GDF5: variants seen among roughly 807,000 people sequenced by gnomAD.
The protein encoded by GDF5 is growth differentiation factor 5.
A neutral mutation model predicts 34.6 loss-of-function variants in GDF5; 17 were observed. The observed-to-expected ratio is 0.49, with a 90% confidence interval of 0.34 to 0.74. The LOEUF is 0.74. Ranked by LOEUF, GDF5 falls within the 30% of genes least tolerant of loss-of-function variation. GDF5 has a pLI of 0.01. For missense variants in GDF5, 616 were observed against 661.2 expected, an observed-to-expected ratio of 0.93 and a Z score of 0.75; for synonymous variants, 332 against 290.7, an observed-to-expected ratio of 1.14 and a Z score of -1.44.
At chr20:35,443,381 C>T (rs774418729) in intron 1 of GDF5, among the ~76,000 whole-genome samples, 12 of 152,060 alleles carry the variant, frequency 7.9e-5, no homozygotes, top group Admixed American at 7.2e-4. Flanking sequence ...CTTGGGAAGC[C>T]ACTGACATGG....
chr20:35,448,447 A>ATTT (rs1156278927), intron 1 of GDF5, among the ~76,000 whole-genome samples: 1 of 63,374 alleles, frequency 1.6e-5, no homozygotes, highest in African/African-American at 5.6e-5. Flanking sequence ...GGCCCCCCCG[A>ATTT]CTTTTTTTTT....
intron 1 of GDF5, among the ~76,000 whole-genome samples, chr20:35,443,322 C>T (rs535254662): frequency 6.6e-6 from 1 of 152,090 alleles, no homozygotes; most frequent in African/African-American, 2.4e-5. Context: ...CAACCTCCCC[C>T]TCTCCTGTCA....
chr20:35,443,004 C>A (rs1169115706), upstream of GDF5, among the ~76,000 whole-genome samples: 1 of 152,124 alleles, frequency 6.6e-6, no homozygotes, highest in Non-Finnish European at 1.5e-5. Context: ...TACAGTATTC[C>A]TTTCAGTCAA....
At chr20:35,439,222 T>C (rs949395156), upstream of GDF5, among the ~76,000 whole-genome samples, 1 of 151,068 alleles carries the variant, frequency 6.6e-6, no homozygotes, top group Non-Finnish European at 1.5e-5. Context: ...GGAAAAGCCA[T>C]TTCCCACATG....
intron 1 of GDF5, among the ~76,000 whole-genome samples, chr20:35,446,914 T>G (rs2062515752): frequency 6.6e-6 from 1 of 151,414 alleles, no homozygotes. Context: ...AACCCGAGAA[T>G]CCCAGCAAGA....
chr20:35,434,106 A>G lies in GDF5; in HGVS notation c.1309T>C (p.Leu437=), dbSNP rs143202393. 1.5e-5 allele frequency: 24 copies of G among 1,613,964 alleles called. No homozygotes were observed. In the African/African-American group the frequency reaches 1.6e-4, roughly 11 times the overall value. The change falls in exon 2 of 2, where the codon TTG becomes CTG. Residue 437 remains leucine, a synonymous_variant. Transcript: ENST00000374369. ...FHCEGLCEFP[L]RSHLEPTNHA... ...TTCGTGGGCTCCAGGTGGGAGCGCA[A>G]TGGGAACTCGCACAGCCCCTCGCAG... is the stretch of plus-strand genomic sequence containing the variant.
intron 1 of GDF5, chr20:35,435,437 G>C (rs1246418219): frequency 9.3e-6 from 1 of 107,130 alleles, no homozygotes. Context: ...GGGCAACAGA[G>C]AAAGACCCTG....
chr20:35,443,316 C>G (rs563150980), intron 1 of GDF5, among the ~76,000 whole-genome samples: 149 of 152,220 alleles, frequency 9.8e-4, no homozygotes, highest in Non-Finnish European at 1.6e-3. Context: ...GTCCCCCAAC[C>G]TCCCCCTCTC....
In GDF5 at chr20:35,434,471, G is replaced by A; in HGVS notation, c.944C>T (p.Ala315Val). The A allele has an allele frequency of 6.2e-7, 1 of 1,612,394 alleles. No homozygotes were observed. Among genetic ancestry groups the A allele is most frequent in the Non-Finnish European group, 8.5e-7 (1 of 1,179,196 alleles). Residue 315 changes from alanine (A) to valine (V), a missense_variant, in exon 2 of 2, where the codon GCC becomes GTC. Physicochemically the swap from Ala to Val is moderately conservative, Grantham distance 64. Coordinates refer to ENST00000374369, the MANE Select transcript of GDF5 (RefSeq NM_000557.5). ...NSAQLCLELE[A>V]WERGRAVDLR... is the part of the protein sequence containing the mutation. ...GTCCACGGCCCTGCCCCGTTCCCAG[G>A]CCTCCAGCTCCAGGCACAGCTGGGC...
chr20:35,436,496 G>A (rs1225259413), intron 1 of GDF5, among the ~76,000 whole-genome samples: 1 of 152,158 alleles, frequency 6.6e-6, no homozygotes, highest in Non-Finnish European at 1.5e-5. Flanking sequence ...GGCCCTGAGA[G>A]GGGGAGGGAC....
At chr20:35,452,691 G>C (rs911461733) in intron 1 of GDF5, among the ~76,000 whole-genome samples, 4 of 151,416 alleles carry the variant, frequency 2.6e-5, no homozygotes, top group African/African-American at 9.7e-5. Context: ...CAAAGTGCTG[G>C]GATTACAGGC....
intron 1 of GDF5, chr20:35,435,198 C>T (rs2062466325): frequency 2.5e-6 from 1 of 407,504 alleles, no homozygotes; most frequent in Admixed American, 4.0e-5. Flanking sequence ...CACCTGCAAT[C>T]CCAGCACTTT....
intron 1 of GDF5, among the ~76,000 whole-genome samples, chr20:35,450,570 A>T (rs977432528): frequency 6.6e-6 from 1 of 152,024 alleles, no homozygotes; most frequent in Non-Finnish European, 1.5e-5. Context: ...AGATGTTTAT[A>T]GCCATCTCTA....
At chr20:35,454,047 A>G (rs754055351) in intron 1 of GDF5, 1 of 532,946 alleles carries the variant, frequency 1.9e-6, no homozygotes. Context: ...GGTGGAAACC[A>G]AGAGTCTGCA....
upstream of GDF5, among the ~76,000 whole-genome samples, chr20:35,439,896 A>G (rs1231294449): frequency 2.9e-5 from 4 of 138,986 alleles, no homozygotes; most frequent in Admixed American, 2.2e-4. Context: ...CAATAGTCAG[A>G]TAGGCTTCCT....
chr20:35,453,021 G>A (rs1379677668), intron 1 of GDF5, among the ~76,000 whole-genome samples: 1 of 151,932 alleles, frequency 6.6e-6, no homozygotes, highest in Non-Finnish European at 1.5e-5. Flanking sequence ...AGGCTGAGGC[G>A]GGCGGATCAC....
rs762705770 is a variant in GDF5 at position 35,437,915 on chromosome 20, T to C, written c.14A>G (p.Lys5Arg). 1.2e-6 allele frequency: 2 copies of C among 1,613,890 alleles called. No individual in the cohort carries two copies. The highest frequency in any genetic ancestry group is 2.2e-5 in the East Asian group (1 of 44,882). Residue 5 changes from lysine (K) to arginine (R), a missense_variant, in exon 1 of 2, where the codon AAA becomes AGA. By Grantham distance (26) the Lys-to-Arg change is conservative. Transcript: ENST00000374369. MRLP[K>R]LLTFLLWYLA... Reference sequence around the variant, plus strand: ...GTACCAAAGCAAGAAAGTGAGGAGTTTGGGGAGTCTCATCCTCTGGCCAGC... The same window carrying C: ...GTACCAAAGCAAGAAAGTGAGGAGTCTGGGGAGTCTCATCCTCTGGCCAGC...
In GDF5 at chr20:35,437,956, A is replaced by G. The variant is rs754422467; in HGVS notation, c.-28T>C. ...TCTGGCCAGCCGCTGAATGACACCA[A>G]AGAGAACAGCGGCAGCAGCGAAGGT... On this transcript the variant is annotated 5_prime_UTR_variant, in exon 1 of 2. Transcript: ENST00000374369. 1 of 1,613,278 alleles carries G rather than the reference A, an allele frequency of 6.2e-7. No homozygotes were observed. Among genetic ancestry groups the G allele is most frequent in the African/African-American group, 1.3e-5 (1 of 74,906 alleles).
chr20:35,438,821 A>ATGTG (rs1177580555), upstream of GDF5, among the ~76,000 whole-genome samples: 40 of 45,022 alleles, frequency 8.9e-4, no homozygotes, highest in African/African-American at 1.9e-3. Context: ...CTGATTTGTT[A>ATGTG]TGCGTGTGTG....
Sources: gnomAD v4.1 joint callset for allele counts (sites outside exome capture counted in the v4.1 genomes callset) on GRCh38, gnomAD v4.1.1 for gene constraint, MANE v1.5 for transcripts, NCBI Gene and HGNC (gene_info 2026-07-23, HGNC 2026-07-21) for gene names.